Variants in BRIP1 observed in about 807,000 individuals in gnomAD.
The protein encoded by BRIP1 is BRCA1 interacting DNA helicase 1, also known as Fanconi anemia group J protein.
Under a neutral mutation model 119.7 loss-of-function variants are expected in BRIP1, and 88 were observed. The observed-to-expected ratio is 0.74, with a 90% CI of 0.62 to 0.88. The LOEUF (loss-of-function observed/expected upper bound fraction) is 0.88, where lower values mean the gene tolerates loss of function less well. Among genes scored for constraint, BRIP1 ranks in the 40% least tolerant of loss-of-function variants. The probability of loss-of-function intolerance (pLI) is 0.00; values close to 1 mark genes in which losing one functional copy is unlikely to be tolerated. For missense variants in BRIP1, 1,259 were observed against 1,455.4 expected, an observed-to-expected ratio of 0.87 and a Z score of 2.20; for synonymous variants, 443 against 496.5, an observed-to-expected ratio of 0.89 and a Z score of 1.43.
rs901515404 is a variant in BRIP1 at position 61,681,121 on chromosome 17, C to G, written c.*2175G>C. 1 of 186,168 alleles carries G rather than the reference C, an allele frequency of 5.4e-6. No homozygotes were observed. Among genetic ancestry groups the G allele is most frequent in the African/African-American group, 2.3e-5 (1 of 42,588 alleles). The allele number at this position is 186,168 out of a possible 1,614,324, so 11.5% of individuals were successfully genotyped here. The stretch of plus-strand genomic sequence containing the variant: ...ATCACGAGAACCGCATGAGGGTAAC[C>G]GCCCCCACGATTCAATTACCTCCCA... On this transcript the variant is annotated 3_prime_UTR_variant, in exon 20 of 20. Coordinates refer to ENST00000259008, the MANE Select transcript of BRIP1 (RefSeq NM_032043.3). This position sits in a 1 kb window ranked among gnomAD's most constrained non-coding sequence, Gnocchi z 5.1.
rs1567829117 is a variant in BRIP1, at chr17:61,799,139, T to C, written c.1301A>G (p.Asp434Gly). 2 of 1,613,690 alleles carry C rather than the reference T, an allele frequency of 1.2e-6. No homozygotes were observed. Among genetic ancestry groups the C allele is most frequent in the Non-Finnish European group, 1.7e-6 (2 of 1,179,664 alleles). ...GCACACAGCTCGTAGGGGTTCATGA[T>C]CTTTCTTCCTTATATTATTGTTGAC... ...SMVNNNIRKK[D>G]HEPLRAVCCS... The change falls in exon 9 of 20, where the codon GAT becomes GGT. Residue 434 changes from aspartate to glycine, a missense_variant. Physicochemically the swap from Asp to Gly is moderately conservative, Grantham distance 94 (BLOSUM62 -1). This residue lies in a region of BRIP1 where 501 missense variants were observed against 544.0 expected (regional missense o/e 0.92). Coordinates refer to ENST00000259008, the MANE Select transcript of BRIP1 (RefSeq NM_032043.3). This position sits in a 1 kb window ranked among gnomAD's most constrained non-coding sequence, Gnocchi z 5.1.
At chr17:61,728,280 A>G (rs1201407265) in intron 16 of BRIP1, among the ~76,000 whole-genome samples, 1 of 151,730 alleles carries the variant, frequency 6.6e-6, no homozygotes, top group Non-Finnish European at 1.5e-5. Flanking sequence ...GCTTTATCTT[A>G]GAAAGTAATG....
At chr17:61,750,519 T>C (rs1209275542) in intron 14 of BRIP1, among the ~76,000 whole-genome samples, 1 of 152,122 alleles carries the variant, frequency 6.6e-6, no homozygotes, top group Non-Finnish European at 1.5e-5. Context: ...TAAACTCGGA[T>C]TTCATAAAAA....
At position 61,754,152 on chromosome 17, in the gene BRIP1, C is replaced by T. The variant is rs563969302; in HGVS notation, c.2098-9561G>A. 6.6e-6 allele frequency among the ~76,000 whole-genome samples: 1 copy of T among 152,288 alleles called. No homozygotes were observed. The highest frequency in any genetic ancestry group is 2.4e-5 in the African/African-American group (1 of 41,556). On this transcript the variant is annotated intron_variant, in intron 14 of 19. Coordinates refer to ENST00000259008, the MANE Select transcript of BRIP1 (RefSeq NM_032043.3). The surrounding 1 kb of genome is among the most constrained non-coding windows in gnomAD (Gnocchi z 4.1). ...TAATCCTTTTAAAACTAAGTTTAAA[C>T]CCTCCAATGGCTTCCTACTGCATTT... is the stretch of plus-strand genomic sequence containing the variant.
chr17:61,811,972 A>C (rs1461957804), intron 6 of BRIP1, among the ~76,000 whole-genome samples: 3 of 152,074 alleles, frequency 2.0e-5, no homozygotes, highest in Non-Finnish European at 2.9e-5. Context: ...TAAATAATAA[A>C]AGATTTGGTA....
chr17:61,822,304 A>C lies in BRIP1; in HGVS notation c.628-13547T>G, dbSNP rs1254061791. Among the ~76,000 whole-genome samples the C allele has an allele frequency of 1.3e-5, 2 of 152,224 alleles. No individual in the cohort carries two copies. The highest frequency in any genetic ancestry group is 2.9e-5 in the Non-Finnish European group (2 of 68,046). On this transcript the variant is annotated intron_variant, in intron 6 of 19. Coordinates refer to ENST00000259008, the MANE Select transcript of BRIP1 (RefSeq NM_032043.3). The surrounding 1 kb of genome is among the most constrained non-coding windows in gnomAD (Gnocchi z 4.4). ...AAATATCACTTTTATAAAAACAATT[A>C]CATTTTTTAAAAACATACACAGAAA...
chr17:61,772,954 G>C (rs2144987955), intron 14 of BRIP1, among the ~76,000 whole-genome samples: 1 of 151,970 alleles, frequency 6.6e-6, no homozygotes, highest in African/African-American at 2.4e-5. Flanking sequence ...GAAGAAAGGA[G>C]GAGTAGTATA....
intron 6 of BRIP1, among the ~76,000 whole-genome samples, chr17:61,821,741 ATC>A (rs138300920): frequency 1.7e-4 from 25 of 149,354 alleles, no homozygotes; most frequent in Non-Finnish European, 1.5e-4. Flanking sequence ...AAGATACAGG[ATC>A]TCTCTCTCTC....
In BRIP1 at chr17:61,767,044, T is replaced by C. The variant is rs2077383626; in HGVS notation, c.2097+9357A>G. On this transcript the variant is annotated intron_variant, in intron 14 of 19. Coordinates refer to ENST00000259008, the MANE Select transcript of BRIP1 (RefSeq NM_032043.3). The surrounding 1 kb of genome is among the most constrained non-coding windows in gnomAD (Gnocchi z 5.7). ...AGAATGGCATTCCTCCTAGTTACCA[T>C]AAACTATTGGTCTGAAAGAATGTGG... 6.6e-6 allele frequency among the ~76,000 whole-genome samples: 1 copy of C among 152,132 alleles called. No individual in the cohort carries two copies. The highest frequency in any genetic ancestry group is 2.1e-4 in the South Asian group (1 of 4,818).
chr17:61,836,819 C>G (rs2145663380), intron 6 of BRIP1, among the ~76,000 whole-genome samples: 1 of 152,228 alleles, frequency 6.6e-6, no homozygotes, highest in African/African-American at 2.4e-5. Context: ...CATGGTAATG[C>G]ATATAATATG....
In BRIP1 at chr17:61,735,225, T is replaced by C. The variant is rs2076901209; in HGVS notation, c.2379+7788A>G. On this transcript the variant is annotated intron_variant, in intron 16 of 19. Coordinates refer to ENST00000259008, the MANE Select transcript of BRIP1 (RefSeq NM_032043.3). The surrounding 1 kb of genome is among the most constrained non-coding windows in gnomAD (Gnocchi z 4.4). ...CTTAAGTGAGGGCAGAACCAGTGAT[T>C]TGCTTCTAGCCAACAGAATATGGAA... Among the ~76,000 whole-genome samples the C allele has an allele frequency of 1.3e-5, 2 of 152,186 alleles. No homozygotes were observed. Among genetic ancestry groups the C allele is most frequent in the South Asian group, 4.1e-4 (2 of 4,830 alleles).
intron 5 of BRIP1, 31 bp from the exon 6 acceptor site, chr17:61,847,251 G>A (rs4988344): frequency 6.2e-7 from 1 of 1,612,206 alleles, no homozygotes. Flanking sequence ...TGAAGTTTAA[G>A]GTGAACTAGA....
rs971017749 is a variant in BRIP1 at position 61,834,769 on chromosome 17, C to A, written c.627+12332G>T. Among the ~76,000 whole-genome samples the A allele has an allele frequency of 1.3e-5, 2 of 152,178 alleles. No homozygotes were observed. Among genetic ancestry groups the A allele is most frequent in the African/African-American group, 4.8e-5 (2 of 41,430 alleles). On this transcript the variant is annotated intron_variant, in intron 6 of 19. Transcript: ENST00000259008. The surrounding 1 kb of genome is among the most constrained non-coding windows in gnomAD (Gnocchi z 4.4). Reference sequence around the variant, plus strand: ...AGCCTGCTAGATGATGAGAGAGACCCACCTCATGGTCCCAGCTGACTACCA... The same window carrying A: ...AGCCTGCTAGATGATGAGAGAGACCAACCTCATGGTCCCAGCTGACTACCA...
rs977665063 is a variant in BRIP1, at chr17:61,746,489, T to C, written c.2098-1898A>G. Among the ~76,000 whole-genome samples, 1 of 151,996 alleles carries C rather than the reference T, an allele frequency of 6.6e-6. No individual in the cohort carries two copies. The highest frequency in any genetic ancestry group is 1.5e-5 in the Non-Finnish European group (1 of 67,970). ...TACCCATAGGCTGAAAGTGAAGGGA[T>C]AGAAAAAGATATTACTTATAAATGG... On this transcript the variant is annotated intron_variant, in intron 14 of 19. Transcript: ENST00000259008. The surrounding 1 kb of genome is among the most constrained non-coding windows in gnomAD (Gnocchi z 4.9).
At position 61,758,146 on chromosome 17, in the gene BRIP1, T is replaced by TA. The variant is rs1401298712; in HGVS notation, c.2098-13556dup. ...TCAATGTCTAAAGTAATCATTTAGT[T>TA]AAAATGTATATAATCTGACTTGTTT... On this transcript the variant is annotated intron_variant, in intron 14 of 19. Transcript: ENST00000259008. This position sits in a 1 kb window ranked among gnomAD's most constrained non-coding sequence, Gnocchi z 5.3. Among the ~76,000 whole-genome samples the TA allele has an allele frequency of 5.3e-5, 8 of 152,336 alleles. No individual in the cohort carries two copies. The highest frequency in any genetic ancestry group is 1.9e-4 in the African/African-American group (8 of 41,584).
Position 61,774,397 on chromosome 17 carries a change from G to T in BRIP1, c.2097+2004C>A, listed in dbSNP as rs2145002932. On this transcript the variant is annotated intron_variant, in intron 14 of 19. Coordinates refer to ENST00000259008, the MANE Select transcript of BRIP1 (RefSeq NM_032043.3). The surrounding 1 kb of genome is among the most constrained non-coding windows in gnomAD (Gnocchi z 5.8). ...GGGAATTGAACAATGAGAACATGTG[G>T]ACGCAGGGTAGGGAACATCACACAC... Among the ~76,000 whole-genome samples the T allele has an allele frequency of 6.6e-6, 1 of 152,284 alleles. No individual in the cohort carries two copies. Among genetic ancestry groups the T allele is most frequent in the South Asian group, 2.1e-4 (1 of 4,828 alleles).
At position 61,744,477 on chromosome 17, in the gene BRIP1, A is replaced by C. The variant is rs1567781239; in HGVS notation, c.2212T>G (p.Leu738Val). 2 of 1,613,960 alleles carry C rather than the reference A, an allele frequency of 1.2e-6. No homozygotes were observed. Among genetic ancestry groups the C allele is most frequent in the Non-Finnish European group, 1.7e-6 (2 of 1,179,922 alleles). Reference protein sequence around the residue: ...QGGEKTNFDELLQVYYDAIKY... With the variant: ...QGGEKTNFDEVLQVYYDAIKY... ...ATTGCGTCATAGTACACCTGCAGTAATTCATCAAAATTTGTTTTTTCTCCT... is the reference window on the plus strand; with the variant it reads ...ATTGCGTCATAGTACACCTGCAGTACTTCATCAAAATTTGTTTTTTCTCCT... The change falls in exon 15 of 20, where the codon TTA becomes GTA. Residue 738 changes from leucine (L) to valine (V), a missense_variant. Leu to Val is a conservative substitution (Grantham distance 32). Coordinates refer to ENST00000259008, the MANE Select transcript of BRIP1 (RefSeq NM_032043.3). This position sits in a 1 kb window ranked among gnomAD's most constrained non-coding sequence, Gnocchi z 5.0.
rs2061593371 is a variant in BRIP1, at chr17:61,700,236, GA to G, written c.2493-6725del. On this transcript the variant is annotated intron_variant, in intron 17 of 19. Coordinates refer to ENST00000259008, the MANE Select transcript of BRIP1 (RefSeq NM_032043.3). The surrounding 1 kb of genome is among the most constrained non-coding windows in gnomAD (Gnocchi z 4.1). ...TCAAGAGTAAAAGAATTATAAGCAA[GA>G]AGTACCTTTATATTAACTTTTACAT... 6.6e-6 allele frequency among the ~76,000 whole-genome samples: 1 copy of G among 152,146 alleles called. No individual in the cohort carries two copies. The highest frequency in any genetic ancestry group is 2.4e-5 in the African/African-American group (1 of 41,430).
chr17:61,860,032 A>T lies in BRIP1; in HGVS notation c.94-125T>A. The T allele has an allele frequency of 1.4e-6, 1 of 692,262 alleles. No individual in the cohort carries two copies. The highest frequency in any genetic ancestry group is 2.6e-6 in the Non-Finnish European group (1 of 384,402). The allele number at this position is 692,262 out of a possible 1,614,324, so 42.9% of individuals were successfully genotyped here. A position where few individuals can be genotyped will look rare whatever the true frequency, so the allele number is the denominator to read the frequency against. ...GCACTCCAGGGAACACAACAATAGCAGAAGGAACTCATATTTAGTTAAATC... is the reference window on the plus strand; with the variant it reads ...GCACTCCAGGGAACACAACAATAGCTGAAGGAACTCATATTTAGTTAAATC... On this transcript the variant is annotated intron_variant, in intron 2 of 19. Coordinates refer to ENST00000259008, the MANE Select transcript of BRIP1 (RefSeq NM_032043.3). The surrounding 1 kb of genome is among the most constrained non-coding windows in gnomAD (Gnocchi z 4.1).
Sources: allele counts gnomAD v4.1 joint callset (sites outside exome capture counted in the v4.1 genomes callset), GRCh38; gene constraint gnomAD v4.1.1; regional missense constraint gnomAD v4.1.1; non-coding constraint Gnocchi (gnomAD v3.1); transcripts MANE v1.5; gene names NCBI Gene and HGNC (gene_info 2026-07-23, HGNC 2026-07-21).